IRAG2: variants seen among roughly 807,000 people sequenced by gnomAD.
IRAG2 encodes the protein lymphoid restricted membrane protein.
A neutral mutation model predicts 69.9 loss-of-function variants in IRAG2; 45 were observed. That is an observed-to-expected ratio of 0.64 (90% CI 0.51 to 0.83). The LOEUF (loss-of-function observed/expected upper bound fraction) is 0.83. Ranked by LOEUF, IRAG2 falls within the 40% of genes least tolerant of loss-of-function variation. The pLI is 0.00. For synonymous variants in IRAG2, 193 were observed against 202.4 expected (o/e 0.95, Z 0.40); for missense variants, 520 against 587.0 (o/e 0.89, Z 1.18).
At chr12:25,002,016 G>A (rs1244279037), upstream of IRAG2, among the ~76,000 whole-genome samples, 2 of 151,994 alleles carry the variant, frequency 1.3e-5, no homozygotes, top group Non-Finnish European at 2.9e-5. Context: ...TGATCCACCC[G>A]CCTCAGCCCC....
intron 9 of IRAG2, among the ~76,000 whole-genome samples, chr12:25,080,314 A>T (rs971823022): frequency 1.3e-5 from 2 of 149,114 alleles, no homozygotes; most frequent in African/African-American, 5.2e-5. Context: ...AATTCCCATA[A>T]AAAAAAATCA....
Position 25,017,341 on chromosome 12 carries a change from C to G in IRAG2, c.1214+49C>G, listed in dbSNP as rs190304636. The G allele has an allele frequency of 6.5e-6, 8 of 1,226,288 alleles. No homozygotes were observed. The East Asian group carries it at 2.5e-4, about 39-fold the overall frequency. The allele number at this position is 1,226,288 out of a possible 1,614,324, so 76.0% of individuals were successfully genotyped here. A position where few individuals can be genotyped will look rare whatever the true frequency, so the allele number is the denominator to read the frequency against. ...TGCGGGGAACTTTCATTTCTTTTTT[C>G]TTTTTTTAAAAAACCTTTTAAATAT... On this transcript the variant is annotated intron_variant, in intron 6 of 38. Coordinates refer to the IRAG2 transcript ENST00000636465.
chr12:25,102,545 C>G (rs922822111), intron 17 of IRAG2: 4 of 342,696 alleles, frequency 1.2e-5, no homozygotes, highest in African/African-American at 2.2e-5. Context: ...GATCAGCCTC[C>G]TCCTTTCGTG....
intron 10 of IRAG2, chr12:25,030,410 G>A (rs1944659977): frequency 1.2e-5 from 13 of 1,051,660 alleles, no homozygotes; most frequent in South Asian, 9.7e-5. Flanking sequence ...TTTTTTTGAC[G>A]GAGTCTTGCT....
intron 3 of IRAG2, among the ~76,000 whole-genome samples, chr12:25,013,703 G>T (rs572166069): frequency 6.6e-6 from 1 of 152,014 alleles, no homozygotes; most frequent in African/African-American, 2.4e-5. Flanking sequence ...TTTGATAAGA[G>T]AAATTAATAT....
chr12:25,078,581 A>C (rs1290028721), intron 6 of IRAG2, among the ~76,000 whole-genome samples: 4 of 152,188 alleles, frequency 2.6e-5, no homozygotes, highest in Non-Finnish European at 5.9e-5. Flanking sequence ...CTATGTTCTC[A>C]CTGTATTTTT....
chr12:25,103,780 C>T (rs1285968865), intron 17 of IRAG2, 57 bp from the exon 18 acceptor site: 1 of 1,203,566 alleles, frequency 8.3e-7, no homozygotes, highest in African/African-American at 1.5e-5. Context: ...ATTGGTGTTG[C>T]ATATAATGAT....
intron 2 of IRAG2, among the ~76,000 whole-genome samples, chr12:25,009,590 T>A (rs2139818613): frequency 6.6e-6 from 1 of 152,300 alleles, no homozygotes; most frequent in East Asian, 1.9e-4. Context: ...TAAAGAGACT[T>A]ATTATAAGGA....
chr12:25,014,970 A>G (rs1944509175), intron 3 of IRAG2, among the ~76,000 whole-genome samples: 1 of 150,256 alleles, frequency 6.7e-6, no homozygotes, highest in Non-Finnish European at 1.5e-5. Flanking sequence ...AACACAGACT[A>G]TTTTCTATCA....
At chr12:25,101,986 T>A in intron 16 of IRAG2, 1 of 680,716 alleles carries the variant, frequency 1.5e-6, no homozygotes, top group Non-Finnish European at 2.7e-6. Flanking sequence ...ATTATGGACA[T>A]CACAGTGACA....
intron 16 of IRAG2, among the ~76,000 whole-genome samples, chr12:25,044,866 A>C (rs1350571604): frequency 6.6e-6 from 1 of 152,130 alleles, no homozygotes; most frequent in Non-Finnish European, 1.5e-5. Flanking sequence ...ATTTAGACAG[A>C]AAATCAATAA....
upstream of IRAG2, chr12:25,052,519 G>GAGTT: frequency 2.5e-6 from 1 of 397,098 alleles, no homozygotes; most frequent in Non-Finnish European, 4.4e-6. Flanking sequence ...AGTAAAGGGG[G>GAGTT]AGTTGTAAGA....
intron 7 of IRAG2, among the ~76,000 whole-genome samples, chr12:25,021,657 TA>T (rs1264643115): frequency 6.6e-6 from 1 of 152,224 alleles, no homozygotes; most frequent in African/African-American, 2.4e-5. Context: ...AAAATCCTGA[TA>T]GATGCCAGCA....
intron 8 of IRAG2, among the ~76,000 whole-genome samples, chr12:25,025,207 A>G (rs953693389): frequency 2.0e-5 from 3 of 152,234 alleles, no homozygotes; most frequent in Admixed American, 6.5e-5. Flanking sequence ...AGAAAAGCAG[A>G]AAACAGAACT....
In IRAG2 at chr12:25,079,517, C is replaced by G. The variant is rs12310579; in HGVS notation, c.136+55C>G. On this transcript the variant is annotated intron_variant, in intron 8 of 21. Coordinates refer to ENST00000556887, the MANE Select transcript of IRAG2 (RefSeq NM_001366544.2). Reference sequence around the variant, plus strand: ...AGACTGTTAGTATTACAGCTTTCAGCCTGATGTTCTGTGACCTGCTGGGGT... The same window carrying G: ...AGACTGTTAGTATTACAGCTTTCAGGCTGATGTTCTGTGACCTGCTGGGGT... 6.5e-3 allele frequency: 9,752 copies of G among 1,507,418 alleles called. 292 individuals carry two copies. In the African/African-American group the frequency reaches 0.078, roughly 12 times the overall value. 93.4% of individuals were successfully genotyped at this position (1,507,418 alleles called of 1,614,324 possible). A position where few individuals can be genotyped will look rare whatever the true frequency, so the allele number is the denominator to read the frequency against.
intron 1 of IRAG2, among the ~76,000 whole-genome samples, chr12:25,058,622 A>G (rs927787952): frequency 6.6e-6 from 1 of 152,222 alleles, no homozygotes; most frequent in African/African-American, 2.4e-5. Context: ...AGCTAACATG[A>G]TAACGGCTCT....
rs759685762 is a variant in IRAG2, at chr12:25,104,794, CTATT to C, written c.1148+336_1148+339del. Among the ~76,000 whole-genome samples, 5 of 152,138 alleles carry C rather than the reference CTATT, an allele frequency of 3.3e-5. No homozygotes were observed. The East Asian group carries it at 7.7e-4, about 23-fold the overall frequency. On this transcript the variant is annotated intron_variant, in intron 20 of 21. Transcript: ENST00000556887. Reference sequence around the variant, plus strand: ...AGAGCCACAGAAGTAAAATGTCCATCTATTTATATATTTTTAAAAACATGAGATA... The same window carrying C: ...AGAGCCACAGAAGTAAAATGTCCATCTATATATTTTTAAAAACATGAGATA...
chr12:25,061,416 T>C (rs1945628856), intron 1 of IRAG2, among the ~76,000 whole-genome samples, 176 bp from the exon 2 acceptor site: 1 of 152,142 alleles, frequency 6.6e-6, no homozygotes, highest in African/African-American at 2.4e-5. Flanking sequence ...TTCCAGCTAC[T>C]TGGGAGGTTG....
chr12:25,026,392 G>A (rs1223234814), intron 8 of IRAG2, among the ~76,000 whole-genome samples: 2 of 152,140 alleles, frequency 1.3e-5, no homozygotes, highest in African/African-American at 2.4e-5. Flanking sequence ...GCATTTGGAA[G>A]GGAATGATTA....
Sources: gnomAD v4.1 joint callset for allele counts (sites outside exome capture counted in the v4.1 genomes callset) on GRCh38, gnomAD v4.1.1 for gene constraint, MANE v1.5 for transcripts, NCBI Gene and HGNC (gene_info 2026-07-23, HGNC 2026-07-21) for gene names.